PCDH15: variants seen among roughly 807,000 people sequenced by gnomAD.
The protein encoded by PCDH15 is protocadherin-15.
In PCDH15, 129 loss-of-function variants were observed where a neutral mutation model predicts 178.5. That is an observed-to-expected ratio of 0.72 (90% confidence interval 0.63 to 0.84). The LOEUF is 0.84. Ranked by LOEUF, PCDH15 falls within the 40% of genes least tolerant of loss-of-function variation. PCDH15 has a pLI of 0.00. For synonymous variants in PCDH15, 800 were observed against 732.0 expected (o/e 1.09, Z -1.50); for missense variants, 2,230 against 2,099.9 (o/e 1.06, Z -1.21).
intron 1 of PCDH15, among the ~76,000 whole-genome samples, chr10:54,761,989 G>T (rs982520300): frequency 1.3e-5 from 2 of 152,078 alleles, no homozygotes; most frequent in African/African-American, 4.8e-5. Context: ...CCTAACATTA[G>T]TCTAAACATA....
intron 1 of PCDH15, among the ~76,000 whole-genome samples, chr10:55,209,792 A>G (rs1840510641): frequency 6.6e-6 from 1 of 152,118 alleles, no homozygotes; most frequent in African/African-American, 2.4e-5. Flanking sequence ...TAGTGAAAAT[A>G]CCAATTTAGT....
chr10:53,810,194 T>C (rs2075814953), intron 37 of PCDH15, among the ~76,000 whole-genome samples: 2 of 152,194 alleles, frequency 1.3e-5, no homozygotes, highest in Non-Finnish European at 2.9e-5. Flanking sequence ...TATTTTTTCA[T>C]GACTTTTAGT....
chr10:55,097,294 G>T (rs1842468919), intron 2 of PCDH15, among the ~76,000 whole-genome samples: 1 of 152,054 alleles, frequency 6.6e-6, no homozygotes, highest in Non-Finnish European at 1.5e-5. Flanking sequence ...TATAAGGTGG[G>T]TGTTTTCTAA....
At chr10:54,354,768 G>A (rs1944704269) in intron 5 of PCDH15, among the ~76,000 whole-genome samples, 1 of 152,014 alleles carries the variant, frequency 6.6e-6, no homozygotes, top group Non-Finnish European at 1.5e-5. Flanking sequence ...ACTCTATAAG[G>A]AATGTCAGTG....
At chr10:53,884,027 A>AAAAAACAAAACAAAAC (rs1554843462) in intron 26 of PCDH15, among the ~76,000 whole-genome samples, 6 of 151,488 alleles carry the variant, frequency 4.0e-5, no homozygotes, top group Non-Finnish European at 7.4e-5. Context: ...GTTTTTGTAA[A>AAAAAACAAAACAAAAC]AAAACAAAAC....
At chr10:54,580,445 G>A (rs1374455842) in intron 2 of PCDH15, among the ~76,000 whole-genome samples, 4 of 151,708 alleles carry the variant, frequency 2.6e-5, no homozygotes, top group Non-Finnish European at 4.4e-5. Flanking sequence ...AAATGAATCA[G>A]TCATAAAAAA....
chr10:54,635,348 A>G (rs1004201854), intron 2 of PCDH15, among the ~76,000 whole-genome samples: 3 of 150,988 alleles, frequency 2.0e-5, no homozygotes, highest in African/African-American at 4.8e-5. Flanking sequence ...AAAAATGGTG[A>G]CATTCGTGTT....
intron 2 of PCDH15, among the ~76,000 whole-genome samples, chr10:55,150,094 GAT>G (rs1306525747): frequency 8.0e-6 from 1 of 124,704 alleles, no homozygotes; most frequent in Non-Finnish European, 1.8e-5. Context: ...GGGAGGAAAA[GAT>G]AGAAGACGAG....
At chr10:55,498,200 T>C (rs976759455) in intron 2 of PCDH15, among the ~76,000 whole-genome samples, 2 of 151,886 alleles carry the variant, frequency 1.3e-5, no homozygotes, top group Non-Finnish European at 2.9e-5. Flanking sequence ...TTAAGTTTCG[T>C]TCTGTGTCTC....
At chr10:54,181,146 G>A (rs1347178288) in intron 13 of PCDH15, among the ~76,000 whole-genome samples, 1 of 152,030 alleles carries the variant, frequency 6.6e-6, no homozygotes, top group Non-Finnish European at 1.5e-5. Context: ...ATAAGAACAT[G>A]ACAATAATTG....
chr10:55,366,790 C>T (rs766365139), intron 2 of PCDH15, among the ~76,000 whole-genome samples: 13 of 152,058 alleles, frequency 8.5e-5, no homozygotes, highest in African/African-American at 2.7e-4. Flanking sequence ...CAATTAGTTT[C>T]GATTTTACCT....
At chr10:54,991,788 C>T (rs1178299974) in intron 2 of PCDH15, among the ~76,000 whole-genome samples, 2 of 152,024 alleles carry the variant, frequency 1.3e-5, no homozygotes, top group South Asian at 4.1e-4. Context: ...AAACTGATGT[C>T]TTTTTACAAA....
At chr10:54,379,858 C>A (rs1948967592) in intron 3 of PCDH15, among the ~76,000 whole-genome samples, 1 of 151,602 alleles carries the variant, frequency 6.6e-6, no homozygotes, top group African/African-American at 2.4e-5. Flanking sequence ...ATGTAGCCTC[C>A]AAAAAAACAC....
intron 37 of PCDH15, among the ~76,000 whole-genome samples, chr10:53,807,763 A>G (rs1470118078): frequency 1.3e-5 from 2 of 152,160 alleles, no homozygotes; most frequent in East Asian, 1.9e-4. Flanking sequence ...TTAAAAGGAA[A>G]TATCTTCTCA....
Position 54,986,179 on chromosome 10 carries a change from C to T in PCDH15, c.-79-88679G>A, listed in dbSNP as rs1036408060. 2.0e-5 allele frequency among the ~76,000 whole-genome samples: 3 copies of T among 151,870 alleles called. No individual in the cohort carries two copies. In the East Asian group the frequency reaches 5.8e-4, roughly 29 times the overall value. On this transcript the variant is annotated intron_variant, in intron 2 of 5. Transcript: ENST00000458638. ...TAGTCTTGCCCTAGCTAAAGAAGGG[C>T]ATCAAGGGAAGTGTTAAGGGAGAGG...
rs181220995 is a variant in PCDH15 at position 54,684,384 on chromosome 10, G to A, written c.-28-20094C>T. 3.9e-5 allele frequency among the ~76,000 whole-genome samples: 6 copies of A among 151,908 alleles called. No individual in the cohort carries two copies. In the East Asian group the frequency reaches 1.2e-3, roughly 29 times the overall value. ...CTCTAGGATATGTCAAGGAGCTAAG[G>A]AAATCATTTAGTTTACTATTTGGAT... On this transcript the variant is annotated intron_variant, in intron 1 of 37. Transcript: ENST00000644397.
intron 2 of PCDH15, among the ~76,000 whole-genome samples, chr10:55,535,151 G>A (rs976093145): frequency 3.3e-5 from 5 of 151,956 alleles, no homozygotes; most frequent in African/African-American, 1.2e-4. Flanking sequence ...ATCTGCACAT[G>A]TATCTCCTGT....
At chr10:54,397,292 A>G (rs1951359436) in intron 3 of PCDH15, among the ~76,000 whole-genome samples, 2 of 152,074 alleles carry the variant, frequency 1.3e-5, no homozygotes, top group Admixed American at 1.3e-4. Context: ...ATCCAGAAAG[A>G]TATTTTCCCA....
chr10:53,857,259 G>A lies in PCDH15; in HGVS notation c.3722C>T (p.Ser1241Phe), dbSNP rs1410562621. ...GLSGKADVLV[S>F]VVNQLDMQVI... Reference sequence around the variant, plus strand: ...TTGCATATCCAGCTGATTGACCACGGAGACCTGAAAGAAGAAAAAACAGAA... The same window carrying A: ...TTGCATATCCAGCTGATTGACCACGAAGACCTGAAAGAAGAAAAAACAGAA... Residue 1241 changes from serine to phenylalanine, a missense_variant, in exon 28 of 38, where the codon TCC becomes TTC. Transcript: ENST00000644397. 3 of 1,609,880 alleles carry A rather than the reference G, an allele frequency of 1.9e-6. No individual in the cohort carries two copies. The highest frequency in any genetic ancestry group is 2.5e-6 in the Non-Finnish European group (3 of 1,176,770).
Sources: allele counts gnomAD v4.1 joint callset (sites outside exome capture counted in the v4.1 genomes callset), GRCh38; gene constraint gnomAD v4.1.1; transcripts MANE v1.5; gene names NCBI Gene and HGNC (gene_info 2026-07-23, HGNC 2026-07-21).